Variants in LHFPL3 observed in about 807,000 individuals in gnomAD.
LHFPL3 encodes the protein LHFPL tetraspan subfamily member 3, also known as LHFPL tetraspan subfamily member 3 protein.
LHFPL3 carries 5 observed loss-of-function variants against 19.3 expected under a neutral mutation model. The observed-to-expected ratio is 0.26, with a 90% CI of 0.14 to 0.54. The LOEUF is 0.54. LHFPL3 is among the 20% of genes least tolerant of loss of function. The pLI is 0.94. For missense variants in LHFPL3, 249 were observed against 307.4 expected (o/e 0.81, Z 1.42); for synonymous variants, 133 against 126.2 (o/e 1.05, Z -0.36).
intron 1 of LHFPL3, among the ~76,000 whole-genome samples, chr7:104,520,925 G>A (rs982069207): frequency 8.0e-5 from 12 of 149,902 alleles, no homozygotes; most frequent in Non-Finnish European, 1.5e-4. Context: ...TTTTTTGAAG[G>A]GTTTTTTGTG....
At chr7:104,885,483 A>T (rs1213054353) in intron 2 of LHFPL3, among the ~76,000 whole-genome samples, 1 of 152,170 alleles carries the variant, frequency 6.6e-6, no homozygotes, top group African/African-American at 2.4e-5. Context: ...ACTCACTCAG[A>T]TGGACCAAAA....
At chr7:104,808,048 AC>A (rs1790398489) in intron 2 of LHFPL3, among the ~76,000 whole-genome samples, 1 of 152,210 alleles carries the variant, frequency 6.6e-6, no homozygotes, top group Non-Finnish European at 1.5e-5. Flanking sequence ...GTGGCATGAT[AC>A]GTTCACATTA....
At chr7:104,590,764 C>G (rs560805045) in intron 1 of LHFPL3, among the ~76,000 whole-genome samples, 75 of 152,276 alleles carry the variant, frequency 4.9e-4, no homozygotes, top group African/African-American at 1.6e-3. Context: ...CTTTGTAGGT[C>G]TCTAAGGACT....
intron 2 of LHFPL3, among the ~76,000 whole-genome samples, chr7:104,863,851 C>A (rs933903521): frequency 1.3e-5 from 2 of 152,340 alleles, no homozygotes; most frequent in East Asian, 3.9e-4. Flanking sequence ...AGGCACTGAA[C>A]TGCATAAACT....
chr7:104,896,224 G>T (rs566854538), intron 2 of LHFPL3, among the ~76,000 whole-genome samples: 2 of 152,310 alleles, frequency 1.3e-5, no homozygotes, highest in African/African-American at 4.8e-5. Flanking sequence ...ACAGCCTAAG[G>T]CTCCTTTCAG....
intron 1 of LHFPL3, among the ~76,000 whole-genome samples, chr7:104,379,049 C>T (rs991537297): frequency 6.6e-6 from 1 of 152,188 alleles, no homozygotes; most frequent in African/African-American, 2.4e-5. Context: ...ATTCTGAAAT[C>T]GGGGACCCAT....
At chr7:104,545,891 G>T (rs538152704) in intron 1 of LHFPL3, among the ~76,000 whole-genome samples, 1 of 152,188 alleles carries the variant, frequency 6.6e-6, no homozygotes, top group Non-Finnish European at 1.5e-5. Context: ...TTGCACAATA[G>T]TCAAGCATCT....
chr7:104,405,322 T>C (rs547490814), intron 1 of LHFPL3, among the ~76,000 whole-genome samples: 3 of 152,344 alleles, frequency 2.0e-5, no homozygotes, highest in South Asian at 4.1e-4. Context: ...CTCCCTGCTT[T>C]TTTACTTACT....
intron 2 of LHFPL3, among the ~76,000 whole-genome samples, chr7:104,817,949 C>A (rs1441588667): frequency 6.6e-6 from 1 of 152,214 alleles, no homozygotes; most frequent in Non-Finnish European, 1.5e-5. Flanking sequence ...CCATTCATTT[C>A]CAATGTAGTT....
At chr7:104,344,936 GTC>G (rs1371910091) in intron 1 of LHFPL3, among the ~76,000 whole-genome samples, 10 of 152,036 alleles carry the variant, frequency 6.6e-5, no homozygotes, top group Non-Finnish European at 1.3e-4. Context: ...AAGTTGAGAA[GTC>G]TCTCTCTTTT....
intron 1 of LHFPL3, among the ~76,000 whole-genome samples, chr7:104,598,171 C>G (rs755184820): frequency 9.9e-5 from 15 of 152,174 alleles, no homozygotes; most frequent in Non-Finnish European, 2.1e-4. Context: ...ATTAATCCTG[C>G]TTGTGCCTTA....
At position 104,662,011 on chromosome 7, in the gene LHFPL3, T is replaced by TGCTACCA. The variant is rs201952636; in HGVS notation, c.446-74663_446-74662insCTACCAG. 5.2e-3 allele frequency among the ~76,000 whole-genome samples: 785 copies of TGCTACCA among 152,356 alleles called. 44 individuals are homozygous for TGCTACCA. The East Asian group carries it at 0.11, about 22-fold the overall frequency. On this transcript the variant is annotated intron_variant, in intron 1 of 2. Transcript: ENST00000424859. ...CTTAGAGCAGGTAGCATCTACGGCA[T>TGCTACCA]GGATCAGCTGGACAAAGGGATGATT...
At chr7:104,832,412 AT>A (rs1169497656) in intron 2 of LHFPL3, among the ~76,000 whole-genome samples, 1 of 151,730 alleles carries the variant, frequency 6.6e-6, no homozygotes, top group Non-Finnish European at 1.5e-5. Flanking sequence ...GAGGAGAGAG[AT>A]TTTTTTCATA....
chr7:104,522,947 T>C (rs1402631357), intron 1 of LHFPL3, among the ~76,000 whole-genome samples: 1 of 145,010 alleles, frequency 6.9e-6, no homozygotes, highest in Non-Finnish European at 1.5e-5. Flanking sequence ...GGTCATCTGC[T>C]GTCTGTCTCT....
intron 2 of LHFPL3, among the ~76,000 whole-genome samples, chr7:104,870,812 C>T (rs1057326265): frequency 2.0e-5 from 3 of 152,118 alleles, no homozygotes. Context: ...TGGAGGAGGA[C>T]GCAGCCACCC....
chr7:104,332,226 T>A (rs1212118821), intron 1 of LHFPL3, among the ~76,000 whole-genome samples: 1 of 129,970 alleles, frequency 7.7e-6, no homozygotes, highest in Non-Finnish European at 1.7e-5. Flanking sequence ...TTCTTTTCTT[T>A]TTTTTTTTTT....
chr7:104,473,283 C>T (rs150294780), intron 1 of LHFPL3, among the ~76,000 whole-genome samples: 1 of 152,116 alleles, frequency 6.6e-6, no homozygotes, highest in Non-Finnish European at 1.5e-5. Context: ...TAAAGTTTTC[C>T]CTTAATGACA....
At chr7:104,636,568 T>TC (rs553236109) in intron 1 of LHFPL3, among the ~76,000 whole-genome samples, 4 of 152,110 alleles carry the variant, frequency 2.6e-5, no homozygotes, top group Non-Finnish European at 5.9e-5. Flanking sequence ...TGTCTGCTGT[T>TC]CCCCTCTTTG....
intron 1 of LHFPL3, among the ~76,000 whole-genome samples, chr7:104,491,080 T>C (rs1408227716): frequency 6.6e-6 from 1 of 152,146 alleles, no homozygotes; most frequent in Non-Finnish European, 1.5e-5. Flanking sequence ...AGAGCAGGTC[T>C]CAGAGAACAG....
Sources: allele counts gnomAD v4.1 joint callset (sites outside exome capture counted in the v4.1 genomes callset), GRCh38; gene constraint gnomAD v4.1.1; transcripts MANE v1.5; gene names NCBI Gene and HGNC (gene_info 2026-07-23, HGNC 2026-07-21).